Variants in PLXNA4 observed in about 807,000 individuals in gnomAD.
PLXNA4 encodes plexin-A4.
Under a neutral mutation model 191.8 loss-of-function variants are expected in PLXNA4, and 44 were observed. The observed-to-expected ratio is 0.23, with a 90% CI of 0.18 to 0.29. PLXNA4 has a LOEUF of 0.29. Ranked by LOEUF, PLXNA4 falls within the 10% of genes least tolerant of loss-of-function variation. The probability of loss-of-function intolerance (pLI) is 1.00; values close to 1 mark genes in which losing one functional copy is unlikely to be tolerated. For synonymous variants in PLXNA4, 1,082 were observed against 1,009.5 expected (o/e 1.07, Z -1.36); for missense variants, 1,800 against 2,488.8 (o/e 0.72, Z 5.89).
intron 3 of PLXNA4, among the ~76,000 whole-genome samples, chr7:132,485,578 C>T (rs773364535): frequency 1.3e-5 from 2 of 152,224 alleles, no homozygotes; most frequent in Non-Finnish European, 2.9e-5. Flanking sequence ...TGTCCCAACT[C>T]AAGCCAAAGA....
chr7:132,558,884 T>C (rs924599940), intron 1 of PLXNA4, among the ~76,000 whole-genome samples: 1 of 152,186 alleles, frequency 6.6e-6, no homozygotes, highest in African/African-American at 2.4e-5. Flanking sequence ...GGGGAAAGTG[T>C]AGGGATTCCC....
chr7:132,431,312 C>T (rs945112654), intron 3 of PLXNA4, among the ~76,000 whole-genome samples: 1 of 152,120 alleles, frequency 6.6e-6, no homozygotes, highest in Non-Finnish European at 1.5e-5. Context: ...CACAATCACT[C>T]CCCACCTCCC....
chr7:132,375,599 T>C (rs1319433601), intron 3 of PLXNA4, among the ~76,000 whole-genome samples: 2 of 152,162 alleles, frequency 1.3e-5, no homozygotes, highest in Non-Finnish European at 2.9e-5. Context: ...CATGCCAACA[T>C]GGACATGCTA....
chr7:132,515,876 T>C (rs536049027), intron 1 of PLXNA4, among the ~76,000 whole-genome samples: 33 of 151,990 alleles, frequency 2.2e-4, no homozygotes, highest in South Asian at 1.5e-3. Flanking sequence ...ACAAACTCTG[T>C]TATATTTGTC....
At chr7:132,564,698 T>C (rs958036470) in intron 1 of PLXNA4, among the ~76,000 whole-genome samples, 2 of 152,234 alleles carry the variant, frequency 1.3e-5, no homozygotes, top group African/African-American at 4.8e-5. Context: ...TGATTAAATA[T>C]TTCATAACAT....
intron 22 of PLXNA4, among the ~76,000 whole-genome samples, chr7:132,166,511 TG>T (rs1796128761): frequency 6.6e-6 from 1 of 151,648 alleles, no homozygotes. Flanking sequence ...CAGGTATGTC[TG>T]GATAGAGTTT....
chr7:132,383,554 T>A, intron 3 of PLXNA4: 1 of 983,100 alleles, frequency 1.0e-6, no homozygotes, highest in Non-Finnish European at 1.2e-6. Context: ...AATTGTCTCA[T>A]GCTTTTTCAC....
At chr7:132,311,781 T>C (rs530647352) in intron 3 of PLXNA4, among the ~76,000 whole-genome samples, 8 of 152,274 alleles carry the variant, frequency 5.3e-5, no homozygotes, top group African/African-American at 1.7e-4. Context: ...CAGAAATTCA[T>C]GAGTCCTGGG....
intron 5 of PLXNA4, among the ~76,000 whole-genome samples, chr7:132,231,189 C>A (rs1240676126): frequency 1.1e-4 from 16 of 152,164 alleles, no homozygotes; most frequent in Non-Finnish European, 1.5e-5. Flanking sequence ...TCAGCTTTCT[C>A]ATCTATACAT....
intron 2 of PLXNA4, among the ~76,000 whole-genome samples, chr7:132,591,936 C>G (rs1339880602): frequency 2.0e-5 from 3 of 152,186 alleles, no homozygotes; most frequent in Admixed American, 6.5e-5. Context: ...GCTACCACAA[C>G]CCCCAGCATC....
At chr7:132,640,211 G>A (rs1380708124) in intron 2 of PLXNA4, among the ~76,000 whole-genome samples, 6 of 152,214 alleles carry the variant, frequency 3.9e-5, no homozygotes, top group African/African-American at 7.2e-5. Context: ...GCCAGACCAC[G>A]TGCTGGGTGC....
At chr7:132,514,293 C>A (rs1358791676) in intron 1 of PLXNA4, among the ~76,000 whole-genome samples, 1 of 147,268 alleles carries the variant, frequency 6.8e-6, no homozygotes, top group African/African-American at 2.5e-5. Flanking sequence ...CCTCATGATC[C>A]GCCCGCCTCG....
chr7:132,490,424 T>TC (rs1491466264), intron 2 of PLXNA4, among the ~76,000 whole-genome samples: 1 of 1,236 alleles, frequency 8.1e-4, no homozygotes, highest in Non-Finnish European at 6.0e-3. Context: ...CTTTTCTTCC[T>TC]TTTTTTTTTT....
rs933087611 is a variant in PLXNA4 at position 132,376,352 on chromosome 7, G to A, written c.1372-78130C>T. On this transcript the variant is annotated intron_variant, in intron 3 of 31. Coordinates refer to ENST00000321063, the MANE Select transcript of PLXNA4 (RefSeq NM_020911.2). ...AGAAGAAATCCATGTCTCTGCTGCT[G>A]CTCCATGGAGGAGCAGGATGCTGGG... 3.3e-5 allele frequency among the ~76,000 whole-genome samples: 5 copies of A among 152,282 alleles called. No individual in the cohort carries two copies. The South Asian group carries it at 8.3e-4, about 25-fold the overall frequency.
chr7:132,621,187 C>A (rs932500317), intron 2 of PLXNA4, among the ~76,000 whole-genome samples: 2 of 151,170 alleles, frequency 1.3e-5, no homozygotes, highest in African/African-American at 4.9e-5. Flanking sequence ...CCATAGTTTA[C>A]TTACCTAGTC....
At chr7:132,491,491 C>T (rs892680071) in intron 2 of PLXNA4, among the ~76,000 whole-genome samples, 10 of 152,160 alleles carry the variant, frequency 6.6e-5, no homozygotes, top group East Asian at 1.9e-4. Context: ...ACAGTCAGAG[C>T]GAAAACGGGG....
intron 2 of PLXNA4, among the ~76,000 whole-genome samples, chr7:132,594,579 TCC>T (rs1802663641): frequency 1.3e-5 from 2 of 152,346 alleles, no homozygotes; most frequent in African/African-American, 4.8e-5. Context: ...CCATTTGAAG[TCC>T]CGCAACTTCG....
chr7:132,601,076 G>C (rs1802809525), intron 2 of PLXNA4, among the ~76,000 whole-genome samples: 1 of 151,958 alleles, frequency 6.6e-6, no homozygotes, highest in African/African-American at 2.4e-5. Flanking sequence ...AATATTTATT[G>C]AATAAATGAA....
At chr7:132,402,778 C>T (rs1046930905) in intron 3 of PLXNA4, among the ~76,000 whole-genome samples, 36 of 152,224 alleles carry the variant, frequency 2.4e-4, no homozygotes, top group African/African-American at 8.0e-4. Context: ...ATTACCACAG[C>T]ACCATCACTT....
Sources: gnomAD v4.1 joint callset for allele counts (sites outside exome capture counted in the v4.1 genomes callset) on GRCh38, gnomAD v4.1.1 for gene constraint, MANE v1.5 for transcripts, NCBI Gene and HGNC (gene_info 2026-07-23, HGNC 2026-07-21) for gene names.